Variants in RBKS observed in about 807,000 individuals in gnomAD.
The protein encoded by RBKS is ribokinase.
RBKS carries 33 observed loss-of-function variants against 33.9 expected under a neutral mutation model. The ratio of observed to expected loss-of-function variants is 0.97; its 90% CI spans 0.74 to 1.30. The LOEUF is 1.30. RBKS is among the 50% of genes most tolerant of loss of function. RBKS has a pLI of 0.00. For synonymous variants in RBKS, 125 were observed against 143.0 expected, an observed-to-expected ratio of 0.87 and a Z score of 0.90; for missense variants, 361 against 392.6, an observed-to-expected ratio of 0.92 and a Z score of 0.68.
In RBKS at chr2:27,858,476, G is replaced by A; in HGVS notation, c.185C>T (p.Ala62Val). 1 of 1,614,112 alleles carries A rather than the reference G, an allele frequency of 6.2e-7. No individual in the cohort carries two copies. The highest frequency in any genetic ancestry group is 8.5e-7 in the Non-Finnish European group (1 of 1,179,986). ...GGACGTCATTGCTCCAAGCCGAGCA[G>A]CTTGGACACACTGGTTGGCACCTTT... ...GGKGANQCVQ[A>V]ARLGAMTSMV... Residue 62 changes from alanine to valine, a missense_variant, in exon 2 of 8, where the codon GCT (alanine) becomes GTT (valine). By Grantham distance (64) the Ala-to-Val change is moderately conservative (BLOSUM62 0). Transcript: ENST00000302188.
chr2:27,883,660 A>C (rs142902026), intron 1 of RBKS, among the ~76,000 whole-genome samples: 1 of 152,308 alleles, frequency 6.6e-6, no homozygotes, highest in African/African-American at 2.4e-5. Flanking sequence ...CTGGCAAAGG[A>C]ATGGATTGCT....
At chr2:27,886,421 T>C (rs1454639108) in intron 1 of RBKS, among the ~76,000 whole-genome samples, 7 of 152,346 alleles carry the variant, frequency 4.6e-5, no homozygotes, top group Admixed American at 4.6e-4. Context: ...GTAATAAAGA[T>C]ACTATCTTTA....
intron 7 of RBKS, among the ~76,000 whole-genome samples, chr2:27,824,999 T>C (rs953969193): frequency 1.3e-5 from 2 of 152,072 alleles, no homozygotes; most frequent in African/African-American, 4.8e-5. Context: ...TAGCCAGGCA[T>C]GGTGGCGTGT....
chr2:27,870,324 C>T (rs949464663), intron 1 of RBKS: 9 of 155,938 alleles, frequency 5.8e-5, no homozygotes, highest in Admixed American at 3.2e-4. Context: ...AGTGACAGAT[C>T]GAGTTCGTTG....
intron 1 of RBKS, among the ~76,000 whole-genome samples, chr2:27,860,994 GTCTC>G (rs972082604): frequency 6.0e-5 from 9 of 150,358 alleles, no homozygotes; most frequent in Non-Finnish European, 8.8e-5. Context: ...TTTAAACAGA[GTCTC>G]TCTCTGTCAC....
At chr2:27,789,718 C>T (rs1387885915) in intron 7 of RBKS, among the ~76,000 whole-genome samples, 1 of 151,752 alleles carries the variant, frequency 6.6e-6, no homozygotes, top group Non-Finnish European at 1.5e-5. Flanking sequence ...GCATCTGCCA[C>T]CACGCCTGGC....
intron 1 of RBKS, among the ~76,000 whole-genome samples, chr2:27,875,913 G>A (rs1239258018): frequency 6.6e-6 from 1 of 151,986 alleles, no homozygotes; most frequent in South Asian, 2.1e-4. Flanking sequence ...TGCATAAGAG[G>A]ACATAAAAGA....
At chr2:27,805,726 C>T (rs986939296) in intron 7 of RBKS, among the ~76,000 whole-genome samples, 1 of 151,638 alleles carries the variant, frequency 6.6e-6, no homozygotes, top group African/African-American at 2.4e-5. Flanking sequence ...AAGCGTGCAC[C>T]ACCATGCCTG....
At chr2:27,885,729 CTTAT>C (rs938730196) in intron 1 of RBKS, among the ~76,000 whole-genome samples, 1 of 152,128 alleles carries the variant, frequency 6.6e-6, no homozygotes, top group African/African-American at 2.4e-5. Flanking sequence ...ATGTAATTAA[CTTAT>C]TTCTACTGAT....
At chr2:27,840,349 C>CACACAA (rs1413744769) in intron 5 of RBKS, among the ~76,000 whole-genome samples, 1 of 136,560 alleles carries the variant, frequency 7.3e-6, no homozygotes, top group Non-Finnish European at 1.5e-5. Context: ...CACACACACA[C>CACACAA]ACACACGCGC....
intron 7 of RBKS, among the ~76,000 whole-genome samples, chr2:27,791,056 T>C (rs1383118694): frequency 1.3e-5 from 2 of 152,170 alleles, no homozygotes; most frequent in Non-Finnish European, 2.9e-5. Context: ...AAACAAACTG[T>C]GGCACATCCA....
intron 7 of RBKS, among the ~76,000 whole-genome samples, chr2:27,819,785 A>C (rs150326358): frequency 6.6e-6 from 1 of 152,372 alleles, no homozygotes; most frequent in African/African-American, 2.4e-5. Flanking sequence ...TGACGAACAG[A>C]AACAGTGATG....
intron 7 of RBKS, among the ~76,000 whole-genome samples, chr2:27,789,346 T>C (rs888440749): frequency 2.0e-5 from 3 of 151,958 alleles, no homozygotes; most frequent in Non-Finnish European, 4.4e-5. Context: ...TATACTCCAA[T>C]GAACATTTCT....
At chr2:27,802,381 C>A (rs563221048) in intron 7 of RBKS, among the ~76,000 whole-genome samples, 1 of 151,512 alleles carries the variant, frequency 6.6e-6, no homozygotes, top group African/African-American at 2.4e-5. Context: ...TTTCAGTTTA[C>A]GGTTGGTTTA....
At position 27,808,242 on chromosome 2, in the gene RBKS, ATCT is replaced by A. The variant is rs1677928199; in HGVS notation, c.795+19322_795+19324del. On this transcript the variant is annotated intron_variant, in intron 7 of 7. Coordinates refer to ENST00000302188, the MANE Select transcript of RBKS (RefSeq NM_022128.3). ...ATAAGTGGTATTACGAATGACACTG[ATCT>A]TCTGAATTTCAATACATTGATTATA... Among the ~76,000 whole-genome samples, 3 of 152,350 alleles carry A rather than the reference ATCT, an allele frequency of 2.0e-5. No individual in the cohort carries two copies. In the South Asian group the frequency reaches 6.2e-4, roughly 32 times the overall value.
chr2:27,885,952 C>T (rs772974488), intron 1 of RBKS, among the ~76,000 whole-genome samples: 26 of 152,252 alleles, frequency 1.7e-4, no homozygotes, highest in Middle Eastern at 3.4e-3. Context: ...ATGAGCCTAA[C>T]GTCTAAAAAT....
intron 7 of RBKS, among the ~76,000 whole-genome samples, chr2:27,822,129 A>T (rs1397104417): frequency 6.6e-6 from 1 of 152,190 alleles, no homozygotes; most frequent in Non-Finnish European, 1.5e-5. Flanking sequence ...AGTTCAAGGA[A>T]AGTCACGGAG....
intron 7 of RBKS, among the ~76,000 whole-genome samples, chr2:27,793,295 T>C (rs927026941): frequency 6.6e-6 from 1 of 152,042 alleles, no homozygotes; most frequent in African/African-American, 2.4e-5. Context: ...TGGGTAAAGG[T>C]AGGATGAGGG....
chr2:27,781,847 C>T, intron 7 of RBKS, 59 bp from the exon 8 acceptor site: 1 of 1,403,398 alleles, frequency 7.1e-7, no homozygotes, highest in South Asian at 1.3e-5. Flanking sequence ...GCCCAAACTG[C>T]ATATTTTAAA....
Sources: gnomAD v4.1 joint callset for allele counts (sites outside exome capture counted in the v4.1 genomes callset) on GRCh38, gnomAD v4.1.1 for gene constraint, MANE v1.5 for transcripts, NCBI Gene and HGNC (gene_info 2026-07-23, HGNC 2026-07-21) for gene names.